PI4K2A: variants seen among roughly 807,000 people sequenced by gnomAD.
The protein encoded by PI4K2A is phosphatidylinositol 4-kinase type 2 alpha, also known as phosphatidylinositol 4-kinase type 2-alpha.
A neutral mutation model predicts 55.0 loss-of-function variants in PI4K2A; 20 were observed. That is an observed-to-expected ratio of 0.36 (90% CI 0.26 to 0.53). The LOEUF (loss-of-function observed/expected upper bound fraction) is 0.53, where lower values mean the gene tolerates loss of function less well. Ranked by LOEUF, PI4K2A falls within the 20% of genes least tolerant of loss-of-function variation. The pLI is 0.91. For missense variants in PI4K2A, 463 were observed against 637.1 expected, an observed-to-expected ratio of 0.73 and a Z score of 2.94; for synonymous variants, 235 against 258.5, an observed-to-expected ratio of 0.91 and a Z score of 0.87.
chr10:97,670,447 C>T (rs939602070), intron 8 of PI4K2A, among the ~76,000 whole-genome samples: 1 of 151,996 alleles, frequency 6.6e-6, no homozygotes, highest in Admixed American at 6.6e-5. Context: ...ACGTATTATC[C>T]AGTGATGTAT....
chr10:97,672,571 T>A (rs981419235), intron 8 of PI4K2A, among the ~76,000 whole-genome samples: 1 of 152,118 alleles, frequency 6.6e-6, no homozygotes, highest in Admixed American at 6.6e-5. Context: ...TTTCTATATA[T>A]TTTAGGATAA....
At chr10:97,641,244 C>A in intron 1 of PI4K2A, 67 bp downstream of exon 1, 2 of 1,176,466 alleles carry the variant, frequency 1.7e-6, no homozygotes, top group Non-Finnish European at 1.2e-6. Flanking sequence ...GAGTTGGGGG[C>A]TTCGCACAGC....
chr10:97,657,050 C>A, intron 4 of PI4K2A, 76 bp downstream of exon 4: 2 of 1,471,848 alleles, frequency 1.4e-6, no homozygotes, highest in African/African-American at 1.4e-5. Context: ...GCTTGCAGGG[C>A]TTGGGAGTCA....
Position 97,656,283 on chromosome 10 carries a change from A to T in PI4K2A, c.637-2A>T, listed in dbSNP as rs1427123962. Reference sequence around the variant, plus strand: ...CTTAGTATCTCTTCTCTTTCACTGTAGGTAGTATACCTGGCCAGTGAGACC... The same window carrying T: ...CTTAGTATCTCTTCTCTTTCACTGTTGGTAGTATACCTGGCCAGTGAGACC... On this transcript the variant is annotated splice_acceptor_variant, in intron 2 of 8. Coordinates refer to ENST00000370631, the Ensembl canonical transcript of PI4K2A. LOFTEE classifies it high-confidence loss of function. The surrounding 1 kb of genome is among the most constrained non-coding windows in gnomAD (Gnocchi z 4.5). The T allele has an allele frequency of 6.2e-7, 1 of 1,612,458 alleles. No individual in the cohort carries two copies. The highest frequency in any genetic ancestry group is 8.5e-7 in the Non-Finnish European group (1 of 1,178,498).
At chr10:97,649,551 C>T (rs548124503) in intron 1 of PI4K2A, among the ~76,000 whole-genome samples, 6 of 146,838 alleles carry the variant, frequency 4.1e-5, no homozygotes, top group South Asian at 2.2e-4. Context: ...AATAAGGCTG[C>T]GAGAGGAAAT....
chr10:97,651,709 C>G (rs1333522875), intron 2 of PI4K2A, among the ~76,000 whole-genome samples: 1 of 152,166 alleles, frequency 6.6e-6, no homozygotes, highest in Non-Finnish European at 1.5e-5. Flanking sequence ...AACTCACACT[C>G]AGAATGGATT....
At chr10:97,671,083 G>C (rs550607951) in intron 8 of PI4K2A, among the ~76,000 whole-genome samples, 10 of 152,012 alleles carry the variant, frequency 6.6e-5, no homozygotes, top group Non-Finnish European at 1.5e-4. Context: ...GTTGCTGTGA[G>C]CCGAGATTGT....
chr10:97,654,533 G>A (rs1342049825), intron 2 of PI4K2A, among the ~76,000 whole-genome samples: 1 of 152,122 alleles, frequency 6.6e-6, no homozygotes, highest in Admixed American at 6.6e-5. Context: ...TTTCTTATAA[G>A]TTTGATTTTA....
intron 5 of PI4K2A, 90 bp from the exon 6 acceptor site, chr10:97,664,795 G>C: frequency 1.3e-6 from 1 of 791,400 alleles, no homozygotes; most frequent in South Asian, 1.5e-5. Context: ...TTCTTCTCTT[G>C]AGGGAGTTGG....
intron 2 of PI4K2A, among the ~76,000 whole-genome samples, chr10:97,654,602 C>A (rs139993270): frequency 6.6e-6 from 1 of 152,166 alleles, no homozygotes; most frequent in Non-Finnish European, 1.5e-5. Flanking sequence ...GTAACTCATT[C>A]TTCATTCACT....
chr10:97,650,673 A>G (rs190771926), intron 1 of PI4K2A, among the ~76,000 whole-genome samples: 97 of 152,310 alleles, frequency 6.4e-4, no homozygotes, highest in Non-Finnish European at 1.0e-3. Flanking sequence ...TATGAGGGAA[A>G]AGAGATGGAG....
At chr10:97,666,929 A>G in intron 7 of PI4K2A, 132 bp from the exon 8 acceptor site, 1 of 685,398 alleles carries the variant, frequency 1.5e-6, no homozygotes, top group Non-Finnish European at 2.6e-6. Flanking sequence ...TTCTTGTGGG[A>G]GTAGTTGACT....
chr10:97,641,177 G>A lies in PI4K2A; in HGVS notation c.435G>A (p.Gly145=), dbSNP rs761608860. ...GCTACTTCGTCAAGGACCCTCAGGGGGTGAGTGCGGGGGTGGGGACCGCCG... is the reference window on the plus strand; with the variant it reads ...GCTACTTCGTCAAGGACCCTCAGGGAGTGAGTGCGGGGGTGGGGACCGCCG... Residue 145 remains glycine, a splice_region_variant and synonymous_variant, in exon 1 of 9, where the codon GGG becomes GGA. Transcript: ENST00000370631. 2.5e-6 allele frequency: 4 copies of A among 1,601,096 alleles called. No individual in the cohort carries two copies. The African/African-American group carries it at 4.0e-5, about 16-fold the overall frequency.
chr10:97,643,862 T>G (rs1431909221), intron 1 of PI4K2A, among the ~76,000 whole-genome samples: 2 of 152,356 alleles, frequency 1.3e-5, no homozygotes, highest in East Asian at 3.9e-4. Context: ...ATAACTCACT[T>G]AATCTTTATA....
intron 8 of PI4K2A, among the ~76,000 whole-genome samples, chr10:97,672,241 C>T (rs1379205295): frequency 6.6e-6 from 1 of 151,180 alleles, no homozygotes; most frequent in Non-Finnish European, 1.5e-5. Flanking sequence ...TGGGGTTTTA[C>T]CATGTTGGCC....
exon 9 of PI4K2A, chr10:97,675,094 G>A (rs1203942861): frequency 6.5e-6 from 1 of 152,732 alleles, no homozygotes; most frequent in East Asian, 1.9e-4. Context: ...TGTGTCTGGA[G>A]GGGCAGCTGT....
Position 97,656,287 on chromosome 10 carries a change from A to G in PI4K2A, c.639A>G (p.Val213=). ...GTATCTCTTCTCTTTCACTGTAGGT[A>G]GTATACCTGGCCAGTGAGACCTTCA... Residue 213 remains valine, a splice_region_variant and synonymous_variant, in exon 3 of 9, where the codon GTA becomes GTG. Transcript: ENST00000370631. The surrounding 1 kb of genome is among the most constrained non-coding windows in gnomAD (Gnocchi z 4.5). 1.2e-6 allele frequency: 2 copies of G among 1,612,574 alleles called. No homozygotes were observed. Among genetic ancestry groups the G allele is most frequent in the Non-Finnish European group, 1.7e-6 (2 of 1,178,578 alleles).
At chr10:97,643,991 G>A (rs1442755258) in intron 1 of PI4K2A, among the ~76,000 whole-genome samples, 1 of 152,160 alleles carries the variant, frequency 6.6e-6, no homozygotes, top group Non-Finnish European at 1.5e-5. Context: ...TTGGGCCAAG[G>A]CGGGTTGGCT....
At chr10:97,641,218 C>T (rs757604256) in intron 1 of PI4K2A, 41 bp downstream of exon 1, 14 of 1,492,100 alleles carry the variant, frequency 9.4e-6, no homozygotes, top group Non-Finnish European at 1.3e-5. Flanking sequence ...GGCTGAGGGC[C>T]GGCGGCGCTC....
Sources: allele counts gnomAD v4.1 joint callset (sites outside exome capture counted in the v4.1 genomes callset), GRCh38; gene constraint gnomAD v4.1.1; non-coding constraint Gnocchi (gnomAD v3.1); transcripts MANE v1.5; gene names NCBI Gene and HGNC (gene_info 2026-07-23, HGNC 2026-07-21).